BUD31: variants seen among roughly 807,000 people sequenced by gnomAD.
The protein encoded by BUD31 is protein BUD31 homolog.
BUD31 carries 9 observed loss-of-function variants against 17.9 expected under a neutral mutation model. The ratio of observed to expected loss-of-function variants is 0.50; its 90% confidence interval spans 0.30 to 0.88. The LOEUF (loss-of-function observed/expected upper bound fraction) is 0.88, where lower values mean the gene tolerates loss of function less well. Ranked by LOEUF, BUD31 falls within the 40% of genes least tolerant of loss-of-function variation. The probability of loss-of-function intolerance (pLI) is 0.06; values close to 1 mark genes in which losing one functional copy is unlikely to be tolerated. For synonymous variants in BUD31, 70 were observed against 64.7 expected, an observed-to-expected ratio of 1.08 and a Z score of -0.39; for missense variants, 148 against 184.5, an observed-to-expected ratio of 0.80 and a Z score of 1.15.
chr7:99,419,335 T>C, intron 5 of BUD31, 56 bp from the exon 6 acceptor site: 3 of 1,597,254 alleles, frequency 1.9e-6, no homozygotes, highest in South Asian at 1.1e-5. Flanking sequence ...CATATGTGAG[T>C]GTGCAGGGGC....
rs535879217 is a variant in BUD31, at chr7:99,417,569, C to T, written c.358C>T (p.Arg120Cys). Residue 120 changes from arginine to cysteine, a missense_variant, in exon 5 of 6, where the codon CGC (arginine) becomes TGC (cysteine). Coordinates refer to ENST00000222969, the MANE Select transcript of BUD31 (RefSeq NM_003910.4). ...CAACTTCGGGACGAACTGCATCTGCCGCGTGCCCAAAAGCAAGCTGGAAGT... is the reference window on the plus strand; with the variant it reads ...CAACTTCGGGACGAACTGCATCTGCTGCGTGCCCAAAAGCAAGCTGGAAGT... ...DTNFGTNCIC[R>C]VPKSKLEVGR... 36 of 1,612,646 alleles carry T rather than the reference C, an allele frequency of 2.2e-5. No homozygotes were observed. Among genetic ancestry groups the T allele is most frequent in the Non-Finnish European group, 2.8e-5 (33 of 1,179,642 alleles).
chr7:99,411,651 C>G (rs1319531679), intron 3 of BUD31: 2 of 453,958 alleles, frequency 4.4e-6, no homozygotes, highest in Non-Finnish European at 8.8e-6. Context: ...TATCTGAAGC[C>G]ACAAGCATCT....
intron 3 of BUD31, among the ~76,000 whole-genome samples, chr7:99,412,512 T>G (rs1000854654): frequency 2.0e-5 from 3 of 152,218 alleles, no homozygotes; most frequent in Non-Finnish European, 4.4e-5. Flanking sequence ...CACTGAAGCC[T>G]CCACCTCCCA....
chr7:99,414,185 G>A (rs1795296646), intron 3 of BUD31, among the ~76,000 whole-genome samples: 1 of 150,096 alleles, frequency 6.7e-6, no homozygotes, highest in African/African-American at 2.5e-5. Context: ...TGTTGCCCAC[G>A]CTGGAGTGCA....
At chr7:99,419,301 A>G in intron 5 of BUD31, 90 bp from the exon 6 acceptor site, 2 of 1,472,980 alleles carry the variant, frequency 1.4e-6, no homozygotes, top group African/African-American at 1.4e-5. Context: ...GCATGGTGGC[A>G]GGTCCTTCGT....
rs1459042479 is a variant in BUD31 at position 99,417,554 on chromosome 7, A to G, written c.343A>G (p.Thr115Ala). The G allele has an allele frequency of 1.2e-6, 2 of 1,612,466 alleles. No homozygotes were observed. The highest frequency in any genetic ancestry group is 1.7e-6 in the Non-Finnish European group (2 of 1,178,916). ...CIQTRDTNFG[T>A]NCICRVPKSK... ...TCAGACACGGGACACCAACTTCGGG[A>G]CGAACTGCATCTGCCGCGTGCCCAA... The change falls in exon 5 of 6, where the codon ACG (threonine) becomes GCG (alanine). Residue 115 changes from threonine to alanine, a missense_variant. Transcript: ENST00000222969.
chr7:99,419,103 C>T (rs113070806), intron 5 of BUD31: 14 of 482,172 alleles, frequency 2.9e-5, no homozygotes, highest in African/African-American at 1.6e-4. Flanking sequence ...AGCAGAATAA[C>T]GAGACTCATT....
Position 99,411,281 on chromosome 7 carries a change from G to T in BUD31, c.94+95G>T. ...AGGCATAAATGCAAATATAAAAAGAGAGTGGTCTACTAACACTGACATGTT... is the reference window on the plus strand; with the variant it reads ...AGGCATAAATGCAAATATAAAAAGATAGTGGTCTACTAACACTGACATGTT... On this transcript the variant is annotated intron_variant, in intron 3 of 5. Coordinates refer to ENST00000222969, the MANE Select transcript of BUD31 (RefSeq NM_003910.4). 3 of 925,618 alleles carry T rather than the reference G, an allele frequency of 3.2e-6. No individual in the cohort carries two copies. The South Asian group carries it at 4.5e-5, about 14-fold the overall frequency. The allele number at this position is 925,618 out of a possible 1,614,324, so 57.3% of individuals were successfully genotyped here.
intron 3 of BUD31, among the ~76,000 whole-genome samples, chr7:99,414,523 G>A (rs1026100391): frequency 1.3e-5 from 2 of 152,154 alleles, no homozygotes; most frequent in Non-Finnish European, 2.9e-5. Context: ...AAAGTTGTAC[G>A]ACCATTGCCA....
chr7:99,419,126 T>C (rs889181280), intron 5 of BUD31: 5 of 533,266 alleles, frequency 9.4e-6, no homozygotes, highest in Non-Finnish European at 1.7e-5. Context: ...CACCGATTTC[T>C]TTTTCTTGAT....
intron 5 of BUD31, chr7:99,418,443 AGTT>A (rs1388189519): frequency 1.3e-5 from 2 of 153,338 alleles, no homozygotes; most frequent in Non-Finnish European, 2.9e-5. Context: ...CCCTCAGCAC[AGTT>A]GTTGGCCCCA....
At position 99,419,535 on chromosome 7, in the gene BUD31, G is replaced by C. The variant is rs1303231103; in HGVS notation, c.*94G>C. 6.3e-6 allele frequency: 9 copies of C among 1,437,322 alleles called. No homozygotes were observed. The highest frequency in any genetic ancestry group is 8.7e-6 in the Non-Finnish European group (9 of 1,032,436). 89.0% of individuals were successfully genotyped at this position (1,437,322 alleles called of 1,614,324 possible). On this transcript the variant is annotated 3_prime_UTR_variant, in exon 6 of 6. Transcript: ENST00000222969. The stretch of plus-strand genomic sequence containing the variant: ...GAGCAGCGAGCAGTGCCCCAGGCCC[G>C]AGTTGGAGCACGGTCTCTATGGGGA...
In BUD31 at chr7:99,417,546, A is replaced by G. The variant is rs1463205199; in HGVS notation, c.335A>G (p.Asn112Ser). ...CGGTGCATTCAGACACGGGACACCAACTTCGGGACGAACTGCATCTGCCGC... is the reference window on the plus strand; with the variant it reads ...CGGTGCATTCAGACACGGGACACCAGCTTCGGGACGAACTGCATCTGCCGC... The part of the protein sequence containing the change: ...CLRCIQTRDT[N>S]FGTNCICRVP... Residue 112 changes from asparagine (N) to serine (S), a missense_variant, in exon 5 of 6, where the codon AAC becomes AGC. By Grantham distance (46) the Asn-to-Ser change is conservative. Coordinates refer to ENST00000222969, the MANE Select transcript of BUD31 (RefSeq NM_003910.4). 19 of 1,612,062 alleles carry G rather than the reference A, an allele frequency of 1.2e-5. No individual in the cohort carries two copies. Among genetic ancestry groups the G allele is most frequent in the South Asian group, 4.4e-5 (4 of 91,040 alleles).
At chr7:99,416,092 G>A (rs375936203) in intron 3 of BUD31, 46 bp from the exon 4 acceptor site, 169 of 1,602,254 alleles carry the variant, frequency 1.1e-4, no homozygotes, top group Non-Finnish European at 1.3e-4. Flanking sequence ...AAAATCCTGC[G>A]CAGACCGACC....
At chr7:99,410,508 A>G (rs772652845) in intron 2 of BUD31, among the ~76,000 whole-genome samples, 12 of 151,658 alleles carry the variant, frequency 7.9e-5, no homozygotes, top group Non-Finnish European at 2.9e-5. Flanking sequence ...GGCCAAGACC[A>G]GAATTACAGG....
chr7:99,415,125 A>G (rs1795348178), intron 3 of BUD31: 1 of 438,620 alleles, frequency 2.3e-6, no homozygotes, highest in Non-Finnish European at 4.5e-6. Context: ...GACACAAGAC[A>G]AAGAGATAAA....
rs149303381 is a variant in BUD31, at chr7:99,417,521, C to T, written c.310C>T (p.Arg104Trp). 71 of 1,611,238 alleles carry T rather than the reference C, an allele frequency of 4.4e-5. No homozygotes were observed. Among genetic ancestry groups the T allele is most frequent in the Non-Finnish European group, 5.2e-5 (61 of 1,178,168 alleles). Residue 104 changes from arginine (R) to tryptophan (W), a missense_variant, in exon 5 of 6, where the codon CGG (arginine) becomes TGG (tryptophan). By Grantham distance (101) the Arg-to-Trp change is moderately radical. Coordinates refer to ENST00000222969, the MANE Select transcript of BUD31 (RefSeq NM_003910.4). The stretch of plus-strand genomic sequence containing the variant: ...AGGATATGAGAACTTGTGCTGCCTG[C>T]GGTGCATTCAGACACGGGACACCAA... ...KQGYENLCCL[R>W]CIQTRDTNFG...
intron 2 of BUD31, 22 bp from the exon 3 acceptor site, chr7:99,411,042 C>G: frequency 6.6e-7 from 1 of 1,518,396 alleles, no homozygotes; most frequent in Non-Finnish European, 9.1e-7. Context: ...GACTCAGAAA[C>G]CAATTCATTT....
intron 3 of BUD31, 24 bp downstream of exon 3, chr7:99,411,210 G>T: frequency 6.3e-7 from 1 of 1,596,102 alleles, no homozygotes; most frequent in Non-Finnish European, 8.6e-7. Flanking sequence ...TTCCTGTCTG[G>T]GTGGGCTGGG....
Sources: gnomAD v4.1 joint callset for allele counts (sites outside exome capture counted in the v4.1 genomes callset) on GRCh38, gnomAD v4.1.1 for gene constraint, MANE v1.5 for transcripts, NCBI Gene and HGNC (gene_info 2026-07-23, HGNC 2026-07-21) for gene names.